Variants in LRRIQ3 observed in about 807,000 individuals in gnomAD.
LRRIQ3 encodes leucine-rich repeat and IQ domain-containing protein 3.
Under a neutral mutation model 59.3 loss-of-function variants are expected in LRRIQ3, and 75 were observed. That is an observed-to-expected ratio of 1.26 (90% CI 1.05 to 1.53). The LOEUF (loss-of-function observed/expected upper bound fraction) is 1.53. Ranked by LOEUF, LRRIQ3 falls within the 40% of genes most tolerant of loss-of-function variation. The probability of loss-of-function intolerance (pLI) is 0.00; values close to 1 mark genes in which losing one functional copy is unlikely to be tolerated. For synonymous variants in LRRIQ3, 250 were observed against 231.3 expected (o/e 1.08, Z -0.73); for missense variants, 831 against 710.0 (o/e 1.17, Z -1.94).
At chr1:74,077,449 A>G (rs1646222086) in intron 5 of LRRIQ3, among the ~76,000 whole-genome samples, 2 of 151,936 alleles carry the variant, frequency 1.3e-5, no homozygotes, top group Admixed American at 1.3e-4. Flanking sequence ...TGAAAAAAAC[A>G]AGAACCCCCC....
chr1:74,132,877 A>T (rs2100615331), intron 4 of LRRIQ3, among the ~76,000 whole-genome samples: 1 of 152,312 alleles, frequency 6.6e-6, no homozygotes, highest in Admixed American at 6.5e-5. Context: ...ATCTAATTAA[A>T]CTAAAGAACT....
intron 4 of LRRIQ3, among the ~76,000 whole-genome samples, chr1:74,114,221 T>G (rs993811332): frequency 2.6e-5 from 4 of 152,048 alleles, no homozygotes; most frequent in African/African-American, 9.7e-5. Flanking sequence ...TCTATGAATA[T>G]ATCCATTCAT....
chr1:74,049,556 A>T (rs1400507458), intron 6 of LRRIQ3, among the ~76,000 whole-genome samples: 1 of 152,184 alleles, frequency 6.6e-6, no homozygotes, highest in South Asian at 2.1e-4. Context: ...AAAGAAAAAA[A>T]TCAAAGATGA....
At chr1:74,097,095 G>C (rs969029853) in intron 5 of LRRIQ3, among the ~76,000 whole-genome samples, 2 of 152,084 alleles carry the variant, frequency 1.3e-5, no homozygotes, top group African/African-American at 2.4e-5. Context: ...GGACATTTAA[G>C]TCTGCCGAGG....
chr1:74,109,856 A>G (rs532679322), intron 4 of LRRIQ3, among the ~76,000 whole-genome samples: 30 of 151,896 alleles, frequency 2.0e-4, no homozygotes, highest in African/African-American at 6.5e-4. Context: ...TAAATTATCT[A>G]TAGAAACATA....
intron 3 of LRRIQ3, among the ~76,000 whole-genome samples, chr1:74,172,661 G>T (rs938663109): frequency 1.3e-5 from 2 of 152,082 alleles, no homozygotes; most frequent in African/African-American, 4.8e-5. Flanking sequence ...ATCAATTGTT[G>T]AAAGTGGGGT....
At chr1:74,166,580 T>A (rs1428196446) in intron 3 of LRRIQ3, among the ~76,000 whole-genome samples, 1 of 151,822 alleles carries the variant, frequency 6.6e-6, no homozygotes, top group African/African-American at 2.4e-5. Context: ...TCTGCTGGCT[T>A]TGGGTTAATT....
At chr1:74,146,872 T>C (rs1325054653) in intron 4 of LRRIQ3, among the ~76,000 whole-genome samples, 6 of 152,184 alleles carry the variant, frequency 3.9e-5, no homozygotes, top group Non-Finnish European at 8.8e-5. Context: ...GTAAGTAGGA[T>C]AGTTGATTAG....
chr1:74,184,160 T>G (rs1352688467), intron 1 of LRRIQ3, among the ~76,000 whole-genome samples: 1 of 152,006 alleles, frequency 6.6e-6, no homozygotes, highest in African/African-American at 2.4e-5. Context: ...AAAATAAAGG[T>G]GCTATACAGG....
Position 74,074,791 on chromosome 1 carries a change from C to A in LRRIQ3, c.868-1G>T. The A allele has an allele frequency of 7.8e-7, 1 of 1,286,958 alleles. No homozygotes were observed. Among genetic ancestry groups the A allele is most frequent in the Non-Finnish European group, 1.0e-6 (1 of 957,716 alleles). The allele number at this position is 1,286,958 out of a possible 1,614,324, so 79.7% of individuals were successfully genotyped here. ...TTAAATCAACAGGATAATATATATT[C>A]TGTGAAAATAAAATAAAAGCAATGA... is the stretch of plus-strand genomic sequence containing the variant. On this transcript the variant is annotated splice_acceptor_variant, in intron 5 of 7. Transcript: ENST00000354431. LOFTEE classifies it high-confidence loss of function.
At chr1:74,031,368 T>C (rs1290784690) in intron 7 of LRRIQ3, among the ~76,000 whole-genome samples, 1 of 152,124 alleles carries the variant, frequency 6.6e-6, no homozygotes, top group Admixed American at 6.6e-5. Flanking sequence ...AACCCAGATG[T>C]CCAACAATGA....
intron 4 of LRRIQ3, among the ~76,000 whole-genome samples, chr1:74,150,886 C>T (rs1248425053): frequency 6.6e-6 from 1 of 151,774 alleles, no homozygotes; most frequent in Non-Finnish European, 1.5e-5. Flanking sequence ...GATATGACTA[C>T]AGGATATTTC....
At chr1:74,097,174 A>T (rs755070197) in intron 5 of LRRIQ3, among the ~76,000 whole-genome samples, 22 of 152,112 alleles carry the variant, frequency 1.4e-4, no homozygotes, top group Non-Finnish European at 2.1e-4. Context: ...AAAAGATTAG[A>T]TGAATGGCTT....
chr1:74,048,381 A>C (rs1471699306), intron 6 of LRRIQ3, among the ~76,000 whole-genome samples: 3 of 152,200 alleles, frequency 2.0e-5, no homozygotes. Flanking sequence ...AATGTCCAAA[A>C]TGTGACCATT....
At chr1:74,108,395 C>T (rs1646642699) in intron 5 of LRRIQ3, among the ~76,000 whole-genome samples, 1 of 151,702 alleles carries the variant, frequency 6.6e-6, no homozygotes, top group South Asian at 2.1e-4. Flanking sequence ...TGATGAGGGA[C>T]AAGTTTTAAG....
At chr1:74,098,686 G>T (rs1250891190) in intron 5 of LRRIQ3, among the ~76,000 whole-genome samples, 1 of 152,112 alleles carries the variant, frequency 6.6e-6, no homozygotes, top group African/African-American at 2.4e-5. Flanking sequence ...TAAAAGAACA[G>T]AAATTATAAC....
intron 5 of LRRIQ3, among the ~76,000 whole-genome samples, chr1:74,097,470 G>A (rs1216658944): frequency 6.6e-6 from 1 of 152,128 alleles, no homozygotes; most frequent in Non-Finnish European, 1.5e-5. Context: ...AACCAAGTTG[G>A]AAAACACTCT....
chr1:74,195,594 G>T (rs1296212434), intron 1 of LRRIQ3, among the ~76,000 whole-genome samples: 1 of 152,092 alleles, frequency 6.6e-6, no homozygotes, highest in Non-Finnish European at 1.5e-5. Context: ...CAGCTCTTCA[G>T]ATACTCTCTA....
intron 4 of LRRIQ3, among the ~76,000 whole-genome samples, chr1:74,112,158 G>A (rs927845823): frequency 1.3e-5 from 2 of 152,114 alleles, no homozygotes; most frequent in East Asian, 3.9e-4. Context: ...TCTGAAAAAA[G>A]TGAGCCACTG....
Sources: gnomAD v4.1 joint callset for allele counts (sites outside exome capture counted in the v4.1 genomes callset) on GRCh38, gnomAD v4.1.1 for gene constraint, MANE v1.5 for transcripts, NCBI Gene and HGNC (gene_info 2026-07-23, HGNC 2026-07-21) for gene names.